The following MYT1L variants were observed in gnomAD, a reference collection of about 807,000 sequenced individuals.
MYT1L encodes the protein myelin transcription factor 1 like, also known as myelin transcription factor 1-like protein.
A neutral mutation model predicts 126.7 loss-of-function variants in MYT1L; 12 were observed. The ratio of observed to expected loss-of-function variants is 0.09; its 90% CI spans 0.06 to 0.15. The LOEUF is 0.15. MYT1L is among the 10% of genes least tolerant of loss of function. MYT1L has a pLI of 1.00. For missense variants in MYT1L, 979 were observed against 1,585.2 expected, an observed-to-expected ratio of 0.62 and a Z score of 6.49; for synonymous variants, 541 against 604.2, an observed-to-expected ratio of 0.90 and a Z score of 1.53.
intron 2 of MYT1L, among the ~76,000 whole-genome samples, chr2:2,209,964 C>A (rs1007779166): frequency 6.6e-6 from 1 of 152,170 alleles, no homozygotes; most frequent in Non-Finnish European, 1.5e-5. Flanking sequence ...TATTGCCTTC[C>A]TTTTGGATAT....
intron 3 of MYT1L, among the ~76,000 whole-genome samples, chr2:2,156,055 A>G (rs779086816): frequency 2.6e-5 from 4 of 152,226 alleles, no homozygotes; most frequent in South Asian, 2.1e-4. Context: ...ACAGGTATGT[A>G]GGTGGATAAA....
At chr2:2,159,648 C>A (rs998616400) in intron 3 of MYT1L, among the ~76,000 whole-genome samples, 1 of 151,996 alleles carries the variant, frequency 6.6e-6, no homozygotes, top group Non-Finnish European at 1.5e-5. Flanking sequence ...GGGCGTGGAT[C>A]CCCCTGGATG....
chr2:1,933,798 T>C (rs935155122), intron 9 of MYT1L, among the ~76,000 whole-genome samples: 13 of 152,162 alleles, frequency 8.5e-5, no homozygotes, highest in East Asian at 5.8e-4. Flanking sequence ...ATGAGCCACA[T>C]AGGCCAACCC....
chr2:2,180,149 G>A (rs1343392510), intron 2 of MYT1L, among the ~76,000 whole-genome samples: 2 of 152,104 alleles, frequency 1.3e-5, no homozygotes, highest in African/African-American at 2.4e-5. Flanking sequence ...AGGGGCCAGA[G>A]GAGAGAGAAT....
chr2:2,085,118 T>C (rs538668643), intron 3 of MYT1L, among the ~76,000 whole-genome samples: 4 of 152,286 alleles, frequency 2.6e-5, no homozygotes, highest in Admixed American at 1.3e-4. Flanking sequence ...CCCTCCTATC[T>C]GCACAGTTTC....
intron 3 of MYT1L, among the ~76,000 whole-genome samples, chr2:2,072,150 T>C (rs2150239613): frequency 6.6e-6 from 1 of 152,326 alleles, no homozygotes; most frequent in South Asian, 2.1e-4. Flanking sequence ...TGCTGACTCC[T>C]AAGGCAGTGC....
At chr2:1,820,072 G>C (rs947562197) in intron 21 of MYT1L, among the ~76,000 whole-genome samples, 12 of 152,056 alleles carry the variant, frequency 7.9e-5, no homozygotes, top group Non-Finnish European at 1.5e-4. Flanking sequence ...GGGCCTGGGG[G>C]AGGAATGAGG....
intron 2 of MYT1L, among the ~76,000 whole-genome samples, chr2:2,263,176 T>C (rs2095032172): frequency 6.6e-6 from 1 of 151,740 alleles, no homozygotes; most frequent in Admixed American, 6.6e-5. Context: ...CTTCCTTTTT[T>C]GATGAATTAA....
chr2:1,924,584 C>T (rs2053983254), intron 9 of MYT1L, among the ~76,000 whole-genome samples: 1 of 152,108 alleles, frequency 6.6e-6, no homozygotes, highest in African/African-American at 2.4e-5. Flanking sequence ...ACTTGGAGTT[C>T]AATATGTCAA....
chr2:1,815,061 T>C (rs1342301946), intron 21 of MYT1L, among the ~76,000 whole-genome samples: 2 of 152,192 alleles, frequency 1.3e-5, no homozygotes, highest in East Asian at 1.9e-4. Flanking sequence ...TAGGGATATT[T>C]TGAAGGTTGA....
At chr2:1,965,278 C>T (rs1223763557) in intron 8 of MYT1L, among the ~76,000 whole-genome samples, 11 of 149,854 alleles carry the variant, frequency 7.3e-5, no homozygotes, top group Admixed American at 6.6e-4. Context: ...GGGACCCAGA[C>T]TCTGTGACTT....
chr2:1,926,882 T>TA (rs1382901757), intron 9 of MYT1L, among the ~76,000 whole-genome samples: 1 of 152,236 alleles, frequency 6.6e-6, no homozygotes, highest in Non-Finnish European at 1.5e-5. Context: ...TTCTATCAAA[T>TA]AGGGAGAATG....
chr2:1,937,852 A>C (rs36007768), intron 9 of MYT1L, among the ~76,000 whole-genome samples: 4,380 of 152,304 alleles, frequency 0.029, 94 homozygotes, highest in Non-Finnish European at 0.046. Flanking sequence ...CTCAGAGGCC[A>C]GCAGCCCAGG....
intron 3 of MYT1L, among the ~76,000 whole-genome samples, chr2:2,108,859 C>A (rs2079053418): frequency 6.6e-6 from 1 of 152,164 alleles, no homozygotes; most frequent in Admixed American, 6.5e-5. Context: ...ACACCTCCTG[C>A]AGTTTTGGTG....
chr2:2,306,922 A>G (rs2095866821), intron 1 of MYT1L, among the ~76,000 whole-genome samples: 2 of 152,250 alleles, frequency 1.3e-5, no homozygotes, highest in African/African-American at 4.8e-5. Flanking sequence ...TCATAAAAAT[A>G]CACCTTGCTA....
chr2:2,103,688 C>T (rs558435662), intron 3 of MYT1L, among the ~76,000 whole-genome samples: 1 of 152,358 alleles, frequency 6.6e-6, no homozygotes, highest in East Asian at 1.9e-4. Flanking sequence ...GGGCCTCTGC[C>T]TCCTGGTCCA....
intron 8 of MYT1L, among the ~76,000 whole-genome samples, chr2:1,961,631 T>C (rs2058969932): frequency 6.6e-6 from 1 of 152,258 alleles, no homozygotes; most frequent in Non-Finnish European, 1.5e-5. Context: ...AGGCTCTTGC[T>C]ACACAAACTC....
intron 2 of MYT1L, among the ~76,000 whole-genome samples, chr2:2,268,433 T>C (rs2095186496): frequency 6.6e-6 from 1 of 152,130 alleles, no homozygotes; most frequent in Non-Finnish European, 1.5e-5. Context: ...AATATTTTAT[T>C]TTAAGGTCAG....
intron 2 of MYT1L, among the ~76,000 whole-genome samples, chr2:2,190,906 C>T (rs539162805): frequency 8.5e-5 from 13 of 152,324 alleles, no homozygotes; most frequent in South Asian, 2.1e-4. Flanking sequence ...CTGCCTCAGC[C>T]TCCCAAGTAG....
Sources: allele counts gnomAD v4.1 joint callset (sites outside exome capture counted in the v4.1 genomes callset), GRCh38; gene constraint gnomAD v4.1.1; transcripts MANE v1.5; gene names NCBI Gene and HGNC (gene_info 2026-07-23, HGNC 2026-07-21).